ARHGAP12: variants seen among roughly 807,000 people sequenced by gnomAD.
The protein encoded by ARHGAP12 is Rho GTPase activating protein 12, also known as rho GTPase-activating protein 12.
Under a neutral mutation model 108.6 loss-of-function variants are expected in ARHGAP12, and 64 were observed. That is an observed-to-expected ratio of 0.59 (90% CI 0.48 to 0.73). The LOEUF is 0.73. Ranked by LOEUF, ARHGAP12 falls within the 30% of genes least tolerant of loss-of-function variation. ARHGAP12 has a pLI of 0.00. For synonymous variants in ARHGAP12, 312 were observed against 337.2 expected (o/e 0.93, Z 0.82); for missense variants, 940 against 1,005.9 (o/e 0.93, Z 0.89).
chr10:31,859,216 A>T (rs1399322734), intron 4 of ARHGAP12, among the ~76,000 whole-genome samples: 1 of 152,216 alleles, frequency 6.6e-6, no homozygotes, highest in East Asian at 1.9e-4. Flanking sequence ...ATGCAAAATG[A>T]ATGCCAACAC....
intron 1 of ARHGAP12, among the ~76,000 whole-genome samples, chr10:31,919,891 G>A (rs980356265): frequency 1.3e-5 from 2 of 151,988 alleles, no homozygotes; most frequent in African/African-American, 4.8e-5. Context: ...GGATGAGGTG[G>A]GTGGATCACG....
intron 1 of ARHGAP12, among the ~76,000 whole-genome samples, chr10:31,917,289 T>C (rs1314313373): frequency 6.6e-6 from 1 of 151,938 alleles, no homozygotes; most frequent in Non-Finnish European, 1.5e-5. Flanking sequence ...GTGCCTGTAA[T>C]CCCAGCTACT....
intron 3 of ARHGAP12, among the ~76,000 whole-genome samples, chr10:31,870,767 A>G (rs1837509980): frequency 6.6e-6 from 1 of 152,296 alleles, no homozygotes; most frequent in African/African-American, 2.4e-5. Context: ...TTTTAGGGGG[A>G]AAAACATATA....
chr10:31,831,762 A>G lies in ARHGAP12; in HGVS notation c.1425T>C (p.Ile475=), dbSNP rs986049179. 8 of 1,581,208 alleles carry G rather than the reference A, an allele frequency of 5.1e-6. No homozygotes were observed. The highest frequency in any genetic ancestry group is 6.9e-6 in the Non-Finnish European group (8 of 1,152,986). ...EKYGLLNVTK[I]AENGKKVRKN... Reference sequence around the variant, plus strand: ...ACCGAACCTTTTTCCCATTTTCAGCAATTTTTGTTACATTTAATAATCCAT... The same window carrying G: ...ACCGAACCTTTTTCCCATTTTCAGCGATTTTTGTTACATTTAATAATCCAT... The change falls in exon 10 of 20, where the codon ATT becomes ATC. Residue 475 remains isoleucine, a synonymous_variant. Transcript: ENST00000344936.
intron 1 of ARHGAP12, among the ~76,000 whole-genome samples, chr10:31,924,560 T>C (rs1426003947): frequency 1.3e-5 from 2 of 152,234 alleles, no homozygotes; most frequent in East Asian, 3.8e-4. Flanking sequence ...GTTGTCTCCA[T>C]AGATCATTCT....
intron 1 of ARHGAP12, among the ~76,000 whole-genome samples, chr10:31,911,510 C>T (rs914137131): frequency 7.2e-5 from 11 of 152,048 alleles, no homozygotes; most frequent in African/African-American, 2.4e-4. Context: ...GATGAGGTTC[C>T]ACCATGTTGC....
At position 31,846,829 on chromosome 10, in the gene ARHGAP12, C is replaced by G. The variant is rs1345541566; in HGVS notation, c.1171-3243G>C. Among the ~76,000 whole-genome samples, 5 of 151,822 alleles carry G rather than the reference C, an allele frequency of 3.3e-5. No homozygotes were observed. In the East Asian group the frequency reaches 9.7e-4, roughly 29 times the overall value. On this transcript the variant is annotated intron_variant, in intron 6 of 19. Coordinates refer to ENST00000344936, the MANE Select transcript of ARHGAP12 (RefSeq NM_018287.7). ...TTCTGCCTCACACTCTTTCCTTTCTCCTTCTGGAACTCCAATGAAAGGAAG... is the reference window on the plus strand; with the variant it reads ...TTCTGCCTCACACTCTTTCCTTTCTGCTTCTGGAACTCCAATGAAAGGAAG...
At chr10:31,920,471 A>AAAG (rs1554792340) in intron 1 of ARHGAP12, among the ~76,000 whole-genome samples, 1 of 150,254 alleles carries the variant, frequency 6.7e-6, no homozygotes, top group African/African-American at 2.5e-5. Flanking sequence ...AAAAAAAAAA[A>AAAG]GAAAACTGAA....
intron 3 of ARHGAP12, among the ~76,000 whole-genome samples, chr10:31,875,531 G>A (rs529682068): frequency 2.6e-5 from 4 of 152,204 alleles, no homozygotes; most frequent in African/African-American, 9.6e-5. Flanking sequence ...GATGGGTAAG[G>A]GGGAATAGGA....
chr10:31,925,940 TA>T (rs1033087297), intron 1 of ARHGAP12, among the ~76,000 whole-genome samples: 2 of 152,260 alleles, frequency 1.3e-5, no homozygotes, highest in Non-Finnish European at 2.9e-5. Context: ...ATATACTAAG[TA>T]AAATATATTC....
chr10:31,853,599 G>A (rs1836779488), intron 5 of ARHGAP12, among the ~76,000 whole-genome samples: 1 of 152,066 alleles, frequency 6.6e-6, no homozygotes, highest in Admixed American at 6.5e-5. Context: ...AATGATACCA[G>A]ATGCAATACA....
intron 3 of ARHGAP12, among the ~76,000 whole-genome samples, chr10:31,899,333 T>C (rs1406645699): frequency 6.6e-6 from 1 of 152,256 alleles, no homozygotes; most frequent in Non-Finnish European, 1.5e-5. Flanking sequence ...GTAGATTCAA[T>C]CCAATTCCAA....
At chr10:31,900,867 G>C (rs1314162220) in intron 3 of ARHGAP12, among the ~76,000 whole-genome samples, 1 of 152,014 alleles carries the variant, frequency 6.6e-6, no homozygotes, top group Admixed American at 6.6e-5. Context: ...GAGGTGGGTC[G>C]GGAATTCCAG....
chr10:31,820,628 C>T, intron 11 of ARHGAP12, 140 bp from the exon 12 acceptor site: 1 of 436,064 alleles, frequency 2.3e-6, no homozygotes, highest in Non-Finnish European at 3.8e-6. Context: ...TATAAAGTAA[C>T]AATTTCTACT....
intron 3 of ARHGAP12, among the ~76,000 whole-genome samples, chr10:31,884,006 C>T (rs7475960): frequency 6.6e-6 from 1 of 150,472 alleles, no homozygotes; most frequent in Non-Finnish European, 1.5e-5. Context: ...TGAGCCACTA[C>T]GCCTGGCCTA....
intron 1 of ARHGAP12, among the ~76,000 whole-genome samples, chr10:31,912,102 C>CAGAACG (rs1839374099): frequency 6.6e-6 from 1 of 152,152 alleles, no homozygotes; most frequent in Non-Finnish European, 1.5e-5. Context: ...CATGCATTAC[C>CAGAACG]AGAACGCTAG....
intron 3 of ARHGAP12, among the ~76,000 whole-genome samples, chr10:31,903,741 A>T (rs1462049607): frequency 7.0e-6 from 1 of 143,488 alleles, no homozygotes; most frequent in Non-Finnish European, 1.5e-5. Flanking sequence ...ATGTAAAAAA[A>T]AAAACTCTCA....
intron 10 of ARHGAP12, among the ~76,000 whole-genome samples, chr10:31,830,085 AT>A (rs1329409408): frequency 1.3e-5 from 2 of 152,346 alleles, no homozygotes; most frequent in East Asian, 3.9e-4. Flanking sequence ...CTTCAAAAAA[AT>A]ATTTGTGTCA....
At chr10:31,889,619 G>GTTTTTTTTTTTTTTTTTTTTTTTTTTTCT (rs869116452) in intron 3 of ARHGAP12, among the ~76,000 whole-genome samples, 2 of 66,420 alleles carry the variant, frequency 3.0e-5, no homozygotes, top group East Asian at 5.0e-4. Flanking sequence ...AATTTTTCTC[G>GTTTTTTTTTTTTTTTTTTTTTTTTTTTCT]TTTTTTTTTT....
Sources: allele counts gnomAD v4.1 joint callset (sites outside exome capture counted in the v4.1 genomes callset), GRCh38; gene constraint gnomAD v4.1.1; transcripts MANE v1.5; gene names NCBI Gene and HGNC (gene_info 2026-07-23, HGNC 2026-07-21).